The following PHF14 variants were observed in gnomAD, a reference collection of about 807,000 sequenced individuals.
PHF14 encodes PHD finger protein 14.
A neutral mutation model predicts 117.9 loss-of-function variants in PHF14; 55 were observed. The ratio of observed to expected loss-of-function variants is 0.47; its 90% CI spans 0.38 to 0.58. The LOEUF (loss-of-function observed/expected upper bound fraction) is 0.58, where lower values mean the gene tolerates loss of function less well. Ranked by LOEUF, PHF14 falls within the 20% of genes least tolerant of loss-of-function variation. The probability of loss-of-function intolerance (pLI) is 0.00; values close to 1 mark genes in which losing one functional copy is unlikely to be tolerated. For missense variants in PHF14, 978 were observed against 1,122.2 expected, an observed-to-expected ratio of 0.87 and a Z score of 1.84; for synonymous variants, 409 against 368.6, an observed-to-expected ratio of 1.11 and a Z score of -1.26.
chr7:10,979,957 C>A (rs1016252106), intron 2 of PHF14, among the ~76,000 whole-genome samples: 1 of 151,948 alleles, frequency 6.6e-6, no homozygotes, highest in South Asian at 2.1e-4. Context: ...AGTTAACAAA[C>A]ATAAAACATT....
chr7:11,001,803 C>T (rs1782886267), intron 4 of PHF14, among the ~76,000 whole-genome samples: 1 of 152,140 alleles, frequency 6.6e-6, no homozygotes, highest in Non-Finnish European at 1.5e-5. Flanking sequence ...ACAGTCATGT[C>T]ATCTGAAAGC....
intron 3 of PHF14, among the ~76,000 whole-genome samples, chr7:10,988,359 A>G (rs968515340): frequency 2.0e-5 from 3 of 152,150 alleles, no homozygotes; most frequent in Non-Finnish European, 2.9e-5. Flanking sequence ...TTAGAACTGC[A>G]TTTTGATACA....
At chr7:11,105,635 C>G (rs1345265484) in intron 16 of PHF14, 5 of 984,400 alleles carry the variant, frequency 5.1e-6, no homozygotes, top group Admixed American at 1.2e-4. Context: ...TGAATCAGCA[C>G]TTTGTAAGTT....
chr7:11,059,732 G>A (rs1785147346), intron 14 of PHF14, among the ~76,000 whole-genome samples: 1 of 152,054 alleles, frequency 6.6e-6, no homozygotes, highest in East Asian at 1.9e-4. Context: ...TGAGATTGCT[G>A]CCACTGCACT....
intron 16 of PHF14, among the ~76,000 whole-genome samples, chr7:11,068,613 A>G (rs1033688824): frequency 6.6e-6 from 1 of 152,142 alleles, no homozygotes; most frequent in African/African-American, 2.4e-5. Context: ...GATGGTGGGG[A>G]TGGTTGCACA....
chr7:11,158,207 G>A (rs997998516), intron 17 of PHF14, among the ~76,000 whole-genome samples: 2 of 152,020 alleles, frequency 1.3e-5, no homozygotes, highest in Admixed American at 6.6e-5. Flanking sequence ...TTGTCATTAT[G>A]TCTCCTCAAT....
intron 4 of PHF14, among the ~76,000 whole-genome samples, chr7:11,003,148 C>T (rs1454603193): frequency 6.6e-6 from 1 of 152,094 alleles, no homozygotes; most frequent in Admixed American, 6.5e-5. Context: ...ACCATGTTGG[C>T]CAGGATGGTC....
At chr7:11,104,002 G>C in intron 16 of PHF14, 1 of 984,908 alleles carries the variant, frequency 1.0e-6, no homozygotes, top group South Asian at 4.7e-5. Flanking sequence ...CTGAACTCTG[G>C]CTGCTTTTAA....
At chr7:11,105,505 G>A (rs1267454521) in intron 16 of PHF14, 4 of 979,896 alleles carry the variant, frequency 4.1e-6, no homozygotes, top group East Asian at 1.1e-4. Flanking sequence ...CTCCAGCAGA[G>A]CAGAATATTT....
At chr7:11,081,910 T>A in intron 16 of PHF14, among the ~76,000 whole-genome samples, 1 of 152,076 alleles carries the variant, frequency 6.6e-6, no homozygotes, top group East Asian at 1.9e-4. Context: ...TTTTATTTCA[T>A]TTTAAAGCTT....
chr7:11,016,850 C>T (rs1225668039), intron 5 of PHF14, among the ~76,000 whole-genome samples: 2 of 151,936 alleles, frequency 1.3e-5, no homozygotes, highest in East Asian at 1.9e-4. Flanking sequence ...TCCACTTTTT[C>T]GACTCATTAA....
rs553832002 is a variant in PHF14 at position 11,130,767 on chromosome 7, C to T, written c.2772+19300C>T. Among the ~76,000 whole-genome samples, 4 of 151,980 alleles carry T rather than the reference C, an allele frequency of 2.6e-5. No homozygotes were observed. In the South Asian group the frequency reaches 8.3e-4, roughly 31 times the overall value. ...AGTTGTAATAATGACACATGTCCAC[C>T]ATTACAGTGTCATACAGAATAGTTC... On this transcript the variant is annotated intron_variant, in intron 17 of 17. Transcript: ENST00000634607. The surrounding 1 kb of genome is among the most constrained non-coding windows in gnomAD (Gnocchi z 4.2).
At chr7:11,105,619 C>A in intron 16 of PHF14, 1 of 984,642 alleles carries the variant, frequency 1.0e-6, no homozygotes, top group South Asian at 4.7e-5. Context: ...ATTTTTTCTA[C>A]CTGTCTGAAT....
chr7:11,043,118 A>T (rs1784552284), intron 13 of PHF14, among the ~76,000 whole-genome samples: 1 of 151,954 alleles, frequency 6.6e-6, no homozygotes, highest in African/African-American at 2.4e-5. Context: ...TGTTATTTTG[A>T]AATTGAATTT....
chr7:11,127,081 A>G (rs1156668353), intron 17 of PHF14, among the ~76,000 whole-genome samples: 1 of 152,016 alleles, frequency 6.6e-6, no homozygotes, highest in Non-Finnish European at 1.5e-5. Context: ...CAAATCTTAC[A>G]GCTTTTCCAG....
At chr7:11,159,698 G>T (rs1160509490) in intron 17 of PHF14, among the ~76,000 whole-genome samples, 2 of 151,938 alleles carry the variant, frequency 1.3e-5, no homozygotes, top group East Asian at 3.9e-4. Context: ...AAAGGTACAA[G>T]GGATCTCTGT....
chr7:11,014,696 G>C (rs1291354371), intron 5 of PHF14, among the ~76,000 whole-genome samples: 2 of 152,104 alleles, frequency 1.3e-5, no homozygotes, highest in Non-Finnish European at 2.9e-5. Flanking sequence ...CTACCATTGA[G>C]CTTAGTGTTA....
chr7:11,031,905 G>A (rs1192924320), intron 7 of PHF14, among the ~76,000 whole-genome samples: 1 of 152,136 alleles, frequency 6.6e-6, no homozygotes, highest in East Asian at 1.9e-4. Context: ...TGTAATTAAA[G>A]TATAATTTGG....
At chr7:11,025,875 G>C (rs1009646388) in intron 6 of PHF14, among the ~76,000 whole-genome samples, 5 of 152,132 alleles carry the variant, frequency 3.3e-5, no homozygotes, top group African/African-American at 9.7e-5. Flanking sequence ...ACTTTGGGAG[G>C]CCGAGTTGGG....
Sources: gnomAD v4.1 joint callset for allele counts (sites outside exome capture counted in the v4.1 genomes callset) on GRCh38, gnomAD v4.1.1 for gene constraint, Gnocchi (gnomAD v3.1) non-coding constraint, MANE v1.5 for transcripts, NCBI Gene and HGNC (gene_info 2026-07-23, HGNC 2026-07-21) for gene names.